Variants in PCSK5 observed in about 807,000 individuals in gnomAD.
PCSK5 encodes the protein prohormone convertase 5.
In PCSK5, 129 loss-of-function variants were observed where a neutral mutation model predicts 233.2. The ratio of observed to expected loss-of-function variants is 0.55; its 90% CI spans 0.48 to 0.64. PCSK5 has a LOEUF of 0.64. PCSK5 is among the 30% of genes least tolerant of loss of function. PCSK5 has a pLI of 0.00. For synonymous variants in PCSK5, 825 were observed against 879.2 expected (o/e 0.94, Z 1.09); for missense variants, 2,076 against 2,430.1 (o/e 0.85, Z 3.06).
At chr9:76,327,256 G>A (rs568575149) in intron 32 of PCSK5, among the ~76,000 whole-genome samples, 81 of 152,054 alleles carry the variant, frequency 5.3e-4, no homozygotes, top group African/African-American at 1.9e-3. Flanking sequence ...ACAGGCACCC[G>A]CCACCATGCC....
Position 76,323,128 on chromosome 9 carries a change from C to A in PCSK5, c.4179C>A (p.Arg1393=). The A allele has an allele frequency of 6.2e-7, 1 of 1,612,182 alleles. No homozygotes were observed. Among genetic ancestry groups the A allele is most frequent in the Non-Finnish European group, 8.5e-7 (1 of 1,179,454 alleles). The part of the protein sequence containing the change: ...SCPRGFYADS[R]HCVPCHKDCL... ...CCCGTGGCTTCTATGCAGACTCGCG[C>A]CACTGTGTCCCCTGCCATAAAGACT... Residue 1393 remains arginine (R), a synonymous_variant, in exon 32 of 38, where the codon CGC becomes CGA. Transcript: ENST00000674117.
At chr9:75,914,331 C>T (rs778406499) in intron 1 of PCSK5, among the ~76,000 whole-genome samples, 10 of 152,144 alleles carry the variant, frequency 6.6e-5, no homozygotes, top group African/African-American at 2.2e-4. Context: ...CACAGCACCA[C>T]GTCAGATTTG....
At chr9:76,149,272 T>C (rs766941339) in intron 10 of PCSK5, among the ~76,000 whole-genome samples, 8 of 152,202 alleles carry the variant, frequency 5.3e-5, no homozygotes, top group African/African-American at 9.7e-5. Flanking sequence ...TTGTTTGCCA[T>C]CATCACCTCC....
chr9:76,192,839 A>AATG (rs1824473752), intron 20 of PCSK5, among the ~76,000 whole-genome samples: 1 of 152,158 alleles, frequency 6.6e-6, no homozygotes, highest in Non-Finnish European at 1.5e-5. Context: ...TGTTACTTAA[A>AATG]ATGATGGTGC....
At chr9:76,350,977 C>A in intron 36 of PCSK5, 49 bp downstream of exon 36, 1 of 895,728 alleles carries the variant, frequency 1.1e-6, no homozygotes, top group Non-Finnish European at 1.8e-6. Context: ...TAGAGGGAAA[C>A]ATGAGCTTAC....
intron 37 of PCSK5, among the ~76,000 whole-genome samples, chr9:76,357,036 G>GA (rs944454332): frequency 1.3e-4 from 19 of 151,538 alleles, no homozygotes; most frequent in African/African-American, 3.6e-4. Flanking sequence ...TTAAAGAATA[G>GA]AAAAAAAATA....
At chr9:76,036,922 TA>T (rs1190233422) in intron 5 of PCSK5, among the ~76,000 whole-genome samples, 1 of 152,244 alleles carries the variant, frequency 6.6e-6, no homozygotes, top group East Asian at 1.9e-4. Flanking sequence ...TTGTGTTCAG[TA>T]AACACTTAAT....
At chr9:75,891,531 GCA>G (rs34768107) in intron 1 of PCSK5, among the ~76,000 whole-genome samples, 158 bp downstream of exon 1, 28,173 of 148,608 alleles carry the variant, frequency 0.19, 3,389 homozygotes, top group East Asian at 0.67. Flanking sequence ...GCGCGCGTAC[GCA>G]CACACACACA....
chr9:75,977,679 C>G (rs969187109), intron 2 of PCSK5, among the ~76,000 whole-genome samples: 5 of 150,640 alleles, frequency 3.3e-5, no homozygotes, highest in Admixed American at 2.6e-4. Flanking sequence ...AGCGTGATCT[C>G]AGCTCACTGC....
At chr9:76,323,310 A>C (rs1829264949) in intron 32 of PCSK5, 22 bp downstream of exon 32, 1 of 1,428,094 alleles carries the variant, frequency 7.0e-7, no homozygotes, top group Admixed American at 1.7e-5. Flanking sequence ...TGGGATTCAA[A>C]ATAGGCTCCG....
chr9:76,271,616 G>A (rs765512288), intron 24 of PCSK5, among the ~76,000 whole-genome samples: 6 of 151,926 alleles, frequency 3.9e-5, no homozygotes, highest in Non-Finnish European at 5.9e-5. Context: ...CAGGAGGATC[G>A]CTTGAAGCCA....
intron 10 of PCSK5, among the ~76,000 whole-genome samples, chr9:76,153,419 G>A (rs931476906): frequency 1.3e-5 from 2 of 152,278 alleles, no homozygotes; most frequent in Admixed American, 6.5e-5. Flanking sequence ...CGGGATTCCT[G>A]TTCACACCAA....
intron 5 of PCSK5, among the ~76,000 whole-genome samples, chr9:76,054,797 C>A (rs1829761104): frequency 1.3e-5 from 2 of 152,228 alleles, no homozygotes; most frequent in Admixed American, 1.3e-4. Flanking sequence ...GACATTGATA[C>A]ATTTTACAGG....
intron 3 of PCSK5, among the ~76,000 whole-genome samples, chr9:76,004,827 A>G (rs1827409280): frequency 6.6e-6 from 1 of 152,138 alleles, no homozygotes. Flanking sequence ...GCACAACAGA[A>G]TGTTCACCTT....
rs59860078 is a variant in PCSK5 at position 76,007,796 on chromosome 9, TTGTGTGTGTGTGTGTG to T, written c.412-15912_412-15897del. On this transcript the variant is annotated intron_variant, in intron 3 of 37. Coordinates refer to ENST00000674117, the MANE Select transcript of PCSK5 (RefSeq NM_001372043.1). The stretch of plus-strand genomic sequence containing the variant: ...CGCCTGTCACCATGCCCGGCTAATT[TTGTGTGTGTGTGTGTG>T]TGTGTGTGTGTGTGTGTGTGTGTGT... 8.0e-4 allele frequency among the ~76,000 whole-genome samples: 103 copies of T among 128,306 alleles called. 1 individual carries two copies. The East Asian group carries it at 0.021, about 26-fold the overall frequency. The allele number at this position is 128,306 out of a possible 152,430, so 84.2% of individuals were successfully genotyped here.
At chr9:76,277,019 A>C (rs977212767) in intron 24 of PCSK5, among the ~76,000 whole-genome samples, 19 of 152,046 alleles carry the variant, frequency 1.2e-4, no homozygotes, top group African/African-American at 4.6e-4. Flanking sequence ...CCTGAGGTCA[A>C]GAGTTCGAGA....
At chr9:76,077,568 C>T (rs1157352345) in intron 7 of PCSK5, among the ~76,000 whole-genome samples, 1 of 152,140 alleles carries the variant, frequency 6.6e-6, no homozygotes, top group East Asian at 1.9e-4. Context: ...TCTCTCCCCT[C>T]CCCATAGTCT....
chr9:75,963,672 A>G (rs1403771542), intron 2 of PCSK5, among the ~76,000 whole-genome samples: 3 of 152,184 alleles, frequency 2.0e-5, no homozygotes, highest in East Asian at 3.9e-4. Context: ...CGAGGTTAGG[A>G]GTTCGAGATC....
At chr9:76,070,255 C>T (rs1341981870) in intron 6 of PCSK5, among the ~76,000 whole-genome samples, 1 of 152,184 alleles carries the variant, frequency 6.6e-6, no homozygotes, top group African/African-American at 2.4e-5. Flanking sequence ...CCGCCTCGGC[C>T]TCCCAAAGTG....
Sources: allele counts gnomAD v4.1 joint callset (sites outside exome capture counted in the v4.1 genomes callset), GRCh38; gene constraint gnomAD v4.1.1; transcripts MANE v1.5; gene names NCBI Gene and HGNC (gene_info 2026-07-23, HGNC 2026-07-21).